The following TECRL variants were observed in gnomAD, a reference collection of about 807,000 sequenced individuals.
TECRL encodes the protein trans-2,3-enoyl-CoA reductase-like.
In TECRL, 63 loss-of-function variants were observed where a neutral mutation model predicts 52.8. The ratio of observed to expected loss-of-function variants is 1.19; its 90% CI spans 0.97 to 1.47. The LOEUF is 1.47. Ranked by LOEUF, TECRL falls within the 40% of genes most tolerant of loss-of-function variation. TECRL has a pLI of 0.00. For synonymous variants in TECRL, 164 were observed against 141.9 expected, an observed-to-expected ratio of 1.16 and a Z score of -1.10; for missense variants, 482 against 429.6, an observed-to-expected ratio of 1.12 and a Z score of -1.08.
chr4:64,309,541 CAAAT>C (rs2109997291), intron 6 of TECRL, among the ~76,000 whole-genome samples: 1 of 152,166 alleles, frequency 6.6e-6, no homozygotes, highest in African/African-American at 2.4e-5. Flanking sequence ...AAGTGGCACT[CAAAT>C]AATCTGAATT....
chr4:64,334,941 C>T (rs543826499), intron 2 of TECRL, among the ~76,000 whole-genome samples: 3 of 152,300 alleles, frequency 2.0e-5, no homozygotes, highest in Admixed American at 2.0e-4. Flanking sequence ...TAACTATGTC[C>T]CCATTTACAT....
rs758525510 is a variant in TECRL at position 64,322,747 on chromosome 4, G to C, written c.377C>G (p.Ala126Gly). The C allele has an allele frequency of 7.4e-6, 12 of 1,612,252 alleles. No homozygotes were observed. The Admixed American group carries it at 1.8e-4, about 25-fold the overall frequency. The change falls in exon 4 of 12, where the codon GCT (alanine) becomes GGT (glycine). Residue 126 changes from alanine (A) to glycine (G), a missense_variant. Physicochemically the swap from Ala to Gly is moderately conservative, Grantham distance 60. Transcript: ENST00000381210. ...KDYITIQSIA[A>G]SSIVTLYATD... ...AGCATACAGTGTGACAATGGAGGAAGCTGCAATACTTTGAATGGTAATGTA... is the reference window on the plus strand; with the variant it reads ...AGCATACAGTGTGACAATGGAGGAACCTGCAATACTTTGAATGGTAATGTA...
chr4:64,301,671 C>A (rs1367328710), intron 7 of TECRL, among the ~76,000 whole-genome samples: 1 of 151,092 alleles, frequency 6.6e-6, no homozygotes, highest in African/African-American at 2.4e-5. Flanking sequence ...CTGGGAGGAT[C>A]AGGGAGGATT....
intron 2 of TECRL, among the ~76,000 whole-genome samples, chr4:64,371,410 AT>A (rs1721966956): frequency 6.6e-6 from 1 of 151,252 alleles, no homozygotes; most frequent in African/African-American, 2.4e-5. Flanking sequence ...ATTAGAAATA[AT>A]TTTACAAACA....
At chr4:64,368,173 C>CA in intron 2 of TECRL, among the ~76,000 whole-genome samples, 1 of 152,026 alleles carries the variant, frequency 6.6e-6, no homozygotes. Flanking sequence ...TGTCTGTTAC[C>CA]AAAAAATGTT....
intron 1 of TECRL, among the ~76,000 whole-genome samples, chr4:64,404,064 T>G (rs1006667374): frequency 2.6e-5 from 4 of 152,024 alleles, no homozygotes; most frequent in Non-Finnish European, 5.9e-5. Flanking sequence ...TTTCTAAGGT[T>G]ACAAAGGTAT....
At chr4:64,399,638 C>T (rs149360354) in intron 1 of TECRL, among the ~76,000 whole-genome samples, 1 of 152,192 alleles carries the variant, frequency 6.6e-6, no homozygotes, top group Admixed American at 6.5e-5. Flanking sequence ...ACTGCTTTTG[C>T]CTCCTGGCTG....
At chr4:64,353,618 A>G (rs1490496344) in intron 2 of TECRL, among the ~76,000 whole-genome samples, 1 of 152,164 alleles carries the variant, frequency 6.6e-6, no homozygotes, top group Non-Finnish European at 1.5e-5. Context: ...GAACAAGCTC[A>G]AGAAAACATG....
At position 64,281,384 on chromosome 4, in the gene TECRL, T is replaced by C. The variant is rs907273110; in HGVS notation, c.918+90A>G. 7.4e-5 allele frequency: 58 copies of C among 779,018 alleles called. No homozygotes were observed. In the African/African-American group the frequency reaches 9.9e-4, roughly 13 times the overall value. 48.3% of individuals were successfully genotyped at this position (779,018 alleles called of 1,614,324 possible). ...AAGACCTCTATATTTTTCCTGTATA[T>C]ATTAATTTATAATACATGTAAATAC... is the stretch of plus-strand genomic sequence containing the variant. On this transcript the variant is annotated intron_variant, in intron 10 of 11. Transcript: ENST00000381210.
chr4:64,352,639 C>A (rs1226385303), intron 2 of TECRL, among the ~76,000 whole-genome samples: 3 of 152,098 alleles, frequency 2.0e-5, no homozygotes, highest in Non-Finnish European at 4.4e-5. Flanking sequence ...TATTTTTTAA[C>A]TATAGCATTA....
intron 4 of TECRL, among the ~76,000 whole-genome samples, chr4:64,317,237 C>G (rs1389746941): frequency 6.6e-6 from 1 of 151,994 alleles, no homozygotes; most frequent in African/African-American, 2.4e-5. Flanking sequence ...AAGATCATGG[C>G]CACTGCACTC....
At chr4:64,393,394 G>A (rs1723687164) in intron 1 of TECRL, among the ~76,000 whole-genome samples, 1 of 151,974 alleles carries the variant, frequency 6.6e-6, no homozygotes, top group African/African-American at 2.4e-5. Flanking sequence ...TCTTCCATGT[G>A]TATGGAAAGA....
At chr4:64,288,101 A>T (rs1455829313) in intron 9 of TECRL, among the ~76,000 whole-genome samples, 2 of 152,002 alleles carry the variant, frequency 1.3e-5, no homozygotes, top group Non-Finnish European at 2.9e-5. Flanking sequence ...GTGAGCCAAG[A>T]TCACACCACT....
intron 1 of TECRL, among the ~76,000 whole-genome samples, chr4:64,401,016 G>A (rs1365665338): frequency 6.6e-6 from 1 of 152,164 alleles, no homozygotes; most frequent in Non-Finnish European, 1.5e-5. Context: ...GTGTCTTAAA[G>A]CCTAAGCAGA....
chr4:64,396,295 T>A (rs2109763766), intron 1 of TECRL, among the ~76,000 whole-genome samples: 1 of 152,282 alleles, frequency 6.6e-6, no homozygotes, highest in Non-Finnish European at 1.5e-5. Context: ...CAGGAGTACA[T>A]AAGTATTCCC....
intron 2 of TECRL, among the ~76,000 whole-genome samples, chr4:64,366,670 G>C (rs545746435): frequency 6.6e-6 from 1 of 152,222 alleles, no homozygotes; most frequent in African/African-American, 2.4e-5. Context: ...CTAATCATTA[G>C]AGAGATGCAA....
chr4:64,337,493 G>C (rs1220287315), intron 2 of TECRL, among the ~76,000 whole-genome samples: 1 of 152,144 alleles, frequency 6.6e-6, no homozygotes, highest in Non-Finnish European at 1.5e-5. Flanking sequence ...AACTGTCCCT[G>C]TTTGCAGATG....
At chr4:64,373,792 A>T (rs1722146050) in intron 2 of TECRL, among the ~76,000 whole-genome samples, 1 of 151,400 alleles carries the variant, frequency 6.6e-6, no homozygotes, top group African/African-American at 2.4e-5. Context: ...GAATTGGTCT[A>T]AGTCAGTGTA....
intron 4 of TECRL, among the ~76,000 whole-genome samples, chr4:64,317,001 A>T (rs1717540407): frequency 6.6e-6 from 1 of 152,200 alleles, no homozygotes; most frequent in South Asian, 2.1e-4. Context: ...ATAATCGGCC[A>T]GGCGCTGTGG....
Sources: gnomAD v4.1 joint callset for allele counts (sites outside exome capture counted in the v4.1 genomes callset) on GRCh38, gnomAD v4.1.1 for gene constraint, MANE v1.5 for transcripts, NCBI Gene and HGNC (gene_info 2026-07-23, HGNC 2026-07-21) for gene names.